MRC1: variants seen among roughly 807,000 people sequenced by gnomAD.
The protein encoded by MRC1 is mannose receptor C-type 1, also known as macrophage mannose receptor 1.
In MRC1, 62 loss-of-function variants were observed where a neutral mutation model predicts 102.9. The ratio of observed to expected loss-of-function variants is 0.60; its 90% CI spans 0.49 to 0.74. The LOEUF (loss-of-function observed/expected upper bound fraction) is 0.74, where lower values mean the gene tolerates loss of function less well. Ranked by LOEUF, MRC1 falls within the 30% of genes least tolerant of loss-of-function variation. The pLI, the probability that MRC1 is intolerant of heterozygous loss-of-function variation, is 0.00. For missense variants in MRC1, 1,237 were observed against 862.8 expected, an observed-to-expected ratio of 1.43 and a Z score of -5.43; for synonymous variants, 457 against 298.4, an observed-to-expected ratio of 1.53 and a Z score of -5.48.
At chr10:17,820,484 A>T (rs1838378307) in intron 1 of MRC1, among the ~76,000 whole-genome samples, 1 of 152,238 alleles carries the variant, frequency 6.6e-6, no homozygotes, top group South Asian at 2.1e-4. Flanking sequence ...AACACTGTTC[A>T]TGCATAAAGA....
chr10:17,850,902 C>A (rs1236338310), intron 7 of MRC1, among the ~76,000 whole-genome samples: 1 of 152,170 alleles, frequency 6.6e-6, no homozygotes, highest in Non-Finnish European at 1.5e-5. Flanking sequence ...CTGTGTTGAC[C>A]CCATTGAGTG....
intron 21 of MRC1, 66 bp downstream of exon 21, chr10:17,881,247 A>C: frequency 1.3e-6 from 1 of 755,324 alleles, no homozygotes; most frequent in South Asian, 1.4e-5. Flanking sequence ...AAATGGTAAA[A>C]TATTGCTGAC....
At chr10:17,809,633 A>T in intron 1 of MRC1, 107 bp downstream of exon 1, 1 of 816,736 alleles carries the variant, frequency 1.2e-6, no homozygotes, top group Non-Finnish European at 2.2e-6. Flanking sequence ...TGTGAGGAGG[A>T]AACGGGGTTC....
chr10:17,856,428 A>T, intron 9 of MRC1, 76 bp downstream of exon 9: 1 of 794,422 alleles, frequency 1.3e-6, no homozygotes, highest in South Asian at 1.5e-5. Flanking sequence ...TTTATGTGTG[A>T]AAGTGCCTTG....
intron 5 of MRC1, among the ~76,000 whole-genome samples, chr10:17,843,849 G>T (rs1838785955): frequency 6.6e-6 from 1 of 152,118 alleles, no homozygotes; most frequent in Non-Finnish European, 1.5e-5. Flanking sequence ...TTTCCGTCTT[G>T]CAGGAAAGGA....
In MRC1 at chr10:17,891,379, G is replaced by T. The variant is rs930681226; in HGVS notation, c.3148-2831G>T. 2.0e-4 allele frequency among the ~76,000 whole-genome samples: 31 copies of T among 152,076 alleles called. 1 individual carries two copies. In the South Asian group the frequency reaches 6.2e-3, roughly 31 times the overall value. ...GACGGGGTTTCACTGTGTTAGGCAG[G>T]ATGCTCTCGACCTCCTGACCTCGTG... On this transcript the variant is annotated intron_variant, in intron 22 of 29. Transcript: ENST00000569591.
At chr10:17,873,502 T>C (rs1833383465) in intron 15 of MRC1, among the ~76,000 whole-genome samples, 1 of 152,084 alleles carries the variant, frequency 6.6e-6, no homozygotes, top group African/African-American at 2.4e-5. Context: ...GATCTTTTTT[T>C]TTTTCCTTTA....
At chr10:17,879,666 A>G in intron 18 of MRC1, 55 bp from the exon 19 acceptor site, 2 of 780,800 alleles carry the variant, frequency 2.6e-6, no homozygotes, top group East Asian at 2.4e-5. Context: ...CCTGGCCTGT[A>G]TCCAATTAGT....
chr10:17,866,517 A>G (rs1554841498), intron 11 of MRC1, 45 bp from the exon 12 acceptor site: 1 of 780,858 alleles, frequency 1.3e-6, no homozygotes, highest in Non-Finnish European at 2.4e-6. Context: ...GCAGGCCTTC[A>G]GCAGGCACCT....
rs1162063543 is a variant in MRC1 at position 17,853,147 on chromosome 10, T to C, written c.1407+23T>C. ...AAGGTAAGGCCACTTGAATGACTGA[T>C]ATTTATAATGAAAGTCACGGGGGAT... On this transcript the variant is annotated intron_variant, in intron 8 of 29. Transcript: ENST00000569591. 6 of 779,782 alleles carry C rather than the reference T, an allele frequency of 7.7e-6. No homozygotes were observed. The African/African-American group carries it at 8.5e-5, about 11-fold the overall frequency. 48.3% of individuals were successfully genotyped at this position (779,782 alleles called of 1,614,324 possible).
At chr10:17,859,964 T>C (rs1833158275) in intron 9 of MRC1, among the ~76,000 whole-genome samples, 2 of 152,204 alleles carry the variant, frequency 1.3e-5, no homozygotes, top group East Asian at 1.9e-4. Flanking sequence ...CAGAATGTTC[T>C]AGTTCTCCTT....
chr10:17,836,531 G>A (rs971127999), intron 4 of MRC1, among the ~76,000 whole-genome samples: 9 of 152,062 alleles, frequency 5.9e-5, no homozygotes, highest in Non-Finnish European at 1.3e-4. Context: ...TTGCAGGCAC[G>A]AGAGAAAATG....
At chr10:17,815,157 A>G (rs1019067341) in intron 1 of MRC1, among the ~76,000 whole-genome samples, 27,180 of 152,076 alleles carry the variant, frequency 0.18, 3,073 homozygotes, top group Non-Finnish European at 0.25. Context: ...TTCTCACGAC[A>G]ATGAGGAGGT....
chr10:17,859,160 CCTTTT>C (rs1231329569), intron 9 of MRC1, among the ~76,000 whole-genome samples: 93 of 152,126 alleles, frequency 6.1e-4, no homozygotes, highest in Non-Finnish European at 8.7e-4. Context: ...TTCACATCCT[CCTTTT>C]CTTTGTGCAT....
intron 23 of MRC1, among the ~76,000 whole-genome samples, chr10:17,896,670 C>T (rs982557589): frequency 1.3e-5 from 2 of 152,066 alleles, no homozygotes; most frequent in African/African-American, 4.8e-5. Context: ...GTGTCTCATG[C>T]CTGTAATTCT....
chr10:17,818,369 C>T (rs1838343995), intron 1 of MRC1, among the ~76,000 whole-genome samples: 1 of 152,152 alleles, frequency 6.6e-6, no homozygotes, highest in Admixed American at 6.5e-5. Flanking sequence ...AGATCAAGTA[C>T]CTCGTCTCAT....
chr10:17,896,798 A>G (rs978552343), intron 23 of MRC1, among the ~76,000 whole-genome samples: 1 of 152,186 alleles, frequency 6.6e-6, no homozygotes, highest in Non-Finnish European at 1.5e-5. Context: ...AATGAAATGA[A>G]ACAAAAAAGT....
chr10:17,830,039 C>T lies in MRC1; in HGVS notation c.637+2324C>T, dbSNP rs975195187. ...CAATATGCATTAAAATTTTAAATCA[C>T]GTTTTGTACATTTAATATCTTTCTT... On this transcript the variant is annotated intron_variant, in intron 3 of 29. Coordinates refer to ENST00000569591, the MANE Select transcript of MRC1 (RefSeq NM_002438.4). Among the ~76,000 whole-genome samples the T allele has an allele frequency of 2.6e-5, 4 of 151,496 alleles. 1 individual carries two copies. Among genetic ancestry groups the T allele is most frequent in the South Asian group, 4.2e-4 (2 of 4,806 alleles).
chr10:17,901,943 G>T, intron 25 of MRC1, 30 bp from the exon 26 acceptor site: 1 of 780,738 alleles, frequency 1.3e-6, no homozygotes, highest in Non-Finnish European at 2.4e-6. Context: ...TTCAGGTTTT[G>T]CTTTATTTAA....
Sources: gnomAD v4.1 joint callset for allele counts (sites outside exome capture counted in the v4.1 genomes callset) on GRCh38, gnomAD v4.1.1 for gene constraint, MANE v1.5 for transcripts, NCBI Gene and HGNC (gene_info 2026-07-23, HGNC 2026-07-21) for gene names.